FAM117B: variants seen among roughly 807,000 people sequenced by gnomAD.
FAM117B encodes the protein protein FAM117B.
A neutral mutation model predicts 52.8 loss-of-function variants in FAM117B; 22 were observed. The observed-to-expected ratio is 0.42, with a 90% CI of 0.30 to 0.59. The LOEUF (loss-of-function observed/expected upper bound fraction) is 0.59. Ranked by LOEUF, FAM117B falls within the 20% of genes least tolerant of loss-of-function variation. The pLI is 0.22. For missense variants in FAM117B, 678 were observed against 802.6 expected (o/e 0.84, Z 1.88); for synonymous variants, 309 against 324.1 (o/e 0.95, Z 0.50).
intron 2 of FAM117B, among the ~76,000 whole-genome samples, chr2:202,702,530 G>A (rs1690809700): frequency 6.6e-6 from 1 of 152,170 alleles, no homozygotes; most frequent in African/African-American, 2.4e-5. Flanking sequence ...CAAAAAGATT[G>A]TGACTTATTG....
chr2:202,740,173 CCAA>C (rs1426245916), intron 4 of FAM117B, among the ~76,000 whole-genome samples: 24 of 69,684 alleles, frequency 3.4e-4, no homozygotes, highest in African/African-American at 8.6e-4. Context: ...ACTTCATCCC[CCAA>C]AAAAAAAAAA....
chr2:202,754,517 C>T (rs374145747), intron 4 of FAM117B, among the ~76,000 whole-genome samples: 5 of 151,086 alleles, frequency 3.3e-5, no homozygotes, highest in Non-Finnish European at 7.4e-5. Context: ...CAATAATAAA[C>T]CCCCCCCAGA....
intron 3 of FAM117B, 48 bp downstream of exon 3, chr2:202,725,057 T>C (rs778278236): frequency 2.1e-6 from 3 of 1,433,568 alleles, no homozygotes; most frequent in Non-Finnish European, 2.9e-6. Context: ...ATGATCCTTT[T>C]GTTGGCTATT....
At chr2:202,657,557 G>C (rs1411975264) in intron 1 of FAM117B, among the ~76,000 whole-genome samples, 1 of 152,106 alleles carries the variant, frequency 6.6e-6, no homozygotes, top group Non-Finnish European at 1.5e-5. Flanking sequence ...CACAATTATG[G>C]CTACGGTGGT....
intron 1 of FAM117B, among the ~76,000 whole-genome samples, chr2:202,664,261 A>T (rs1690170489): frequency 1.3e-5 from 2 of 152,242 alleles, no homozygotes; most frequent in Admixed American, 1.3e-4. Flanking sequence ...TATTGACTCC[A>T]GAGGTTTTAA....
rs572443578 is a variant in FAM117B at position 202,765,608 on chromosome 2, C to T, written c.1614C>T (p.Val538=). Residue 538 remains valine, a synonymous_variant, in exon 8 of 8, where the codon GTC becomes GTT. Coordinates refer to ENST00000392238, the MANE Select transcript of FAM117B (RefSeq NM_173511.4). ...TLKGSGHSLT[V]TTGMTTTLLQ... is the part of the protein sequence containing the mutation. ...AGGGCTCTGGCCACAGCCTGACAGT[C>T]ACCACTGGCATGACAACCACTCTGC... 1 of 1,614,170 alleles carries T rather than the reference C, an allele frequency of 6.2e-7. No homozygotes were observed. Among genetic ancestry groups the T allele is most frequent in the African/African-American group, 1.3e-5 (1 of 75,048 alleles).
At chr2:202,727,119 A>G (rs1192187418) in intron 4 of FAM117B, among the ~76,000 whole-genome samples, 1 of 152,178 alleles carries the variant, frequency 6.6e-6, no homozygotes, top group Non-Finnish European at 1.5e-5. Context: ...AAGCAAGTTC[A>G]TTTCAGGTCT....
At chr2:202,733,836 A>G (rs1691396543) in intron 4 of FAM117B, among the ~76,000 whole-genome samples, 1 of 152,244 alleles carries the variant, frequency 6.6e-6, no homozygotes, top group South Asian at 2.1e-4. Flanking sequence ...GGTGATGTAC[A>G]TTCTCAGCTT....
intron 1 of FAM117B, among the ~76,000 whole-genome samples, chr2:202,685,968 C>T (rs1690532582): frequency 6.6e-6 from 1 of 152,088 alleles, no homozygotes. Context: ...TCGAAAGGCA[C>T]CATTAAAAAT....
intron 2 of FAM117B, among the ~76,000 whole-genome samples, chr2:202,696,591 A>G (rs1177478716): frequency 1.3e-5 from 2 of 152,232 alleles, no homozygotes; most frequent in Non-Finnish European, 2.9e-5. Flanking sequence ...AATTTGTAAC[A>G]GCAAAGATTA....
At chr2:202,673,267 G>A (rs1021454198) in intron 1 of FAM117B, among the ~76,000 whole-genome samples, 4 of 152,006 alleles carry the variant, frequency 2.6e-5, no homozygotes. Flanking sequence ...ACAAACTGAA[G>A]CAGTGTGAAC....
rs1268576032 is a variant in FAM117B at position 202,724,914 on chromosome 2, C to T, written c.754-3C>T. 1 of 1,590,246 alleles carries T rather than the reference C, an allele frequency of 6.3e-7. No individual in the cohort carries two copies. Among genetic ancestry groups the T allele is most frequent in the South Asian group, 1.2e-5 (1 of 86,148 alleles). ...ATACACCTCCCCTCTTTTTTCATTA[C>T]AGACAGAGAGTGCATGGGCTGAAGA... On this transcript the variant is annotated splice_polypyrimidine_tract_variant and splice_region_variant and intron_variant, in intron 2 of 7. Coordinates refer to ENST00000392238, the MANE Select transcript of FAM117B (RefSeq NM_173511.4).
intron 2 of FAM117B, among the ~76,000 whole-genome samples, chr2:202,705,669 G>C (rs1690860598): frequency 6.6e-6 from 1 of 152,124 alleles, no homozygotes; most frequent in African/African-American, 2.4e-5. Flanking sequence ...CTGCCTCCGT[G>C]TTCTTTTAAA....
intron 4 of FAM117B, among the ~76,000 whole-genome samples, chr2:202,739,096 G>A (rs1302228032): frequency 1.3e-5 from 2 of 152,172 alleles, no homozygotes; most frequent in African/African-American, 4.8e-5. Flanking sequence ...AGCTGAGGCA[G>A]GAGAATTGCT....
rs386392341 is a variant in FAM117B, at chr2:202,675,445, CAA to C, written c.602-20414_602-20413del. Among the ~76,000 whole-genome samples the C allele has an allele frequency of 1.9e-3, 132 of 67,798 alleles. 1 individual carries two copies. The highest frequency in any genetic ancestry group is 7.5e-3 in the African/African-American group (121 of 16,200). 44.5% of individuals were successfully genotyped at this position (67,798 alleles called of 152,430 possible). A position where few individuals can be genotyped will look rare whatever the true frequency, so the allele number is the denominator to read the frequency against. On this transcript the variant is annotated intron_variant, in intron 1 of 7. Coordinates refer to ENST00000392238, the MANE Select transcript of FAM117B (RefSeq NM_173511.4). ...TGGGCGACAGAGTGAGACCTTATCTCAAAAAAAAAAAAAAAAAAAAAAAGGCC... is the reference window on the plus strand; with the variant it reads ...TGGGCGACAGAGTGAGACCTTATCTCAAAAAAAAAAAAAAAAAAAAAGGCC...
At chr2:202,676,069 G>T (rs1413148120) in intron 1 of FAM117B, among the ~76,000 whole-genome samples, 1 of 150,072 alleles carries the variant, frequency 6.7e-6, no homozygotes, top group African/African-American at 2.4e-5. Flanking sequence ...TGTCACTTAT[G>T]TATTACTCTT....
chr2:202,715,939 A>G (rs1460379396), intron 2 of FAM117B, among the ~76,000 whole-genome samples: 1 of 152,162 alleles, frequency 6.6e-6, no homozygotes, highest in Non-Finnish European at 1.5e-5. Flanking sequence ...AAAACCAGTC[A>G]GGCGTGGTGG....
rs151330954 is a variant in FAM117B, at chr2:202,662,064, A to G, written c.601+26276A>G. On this transcript the variant is annotated intron_variant, in intron 1 of 7. Coordinates refer to ENST00000392238, the MANE Select transcript of FAM117B (RefSeq NM_173511.4). ...TTCACAATAGCCAATAGCCAAGATA[A>G]GGAATTAACCTAAATGCCCAACCAC... Among the ~76,000 whole-genome samples the G allele has an allele frequency of 4.4e-4, 67 of 152,298 alleles. 1 individual carries two copies. The highest frequency in any genetic ancestry group is 8.9e-4 in the African/African-American group (37 of 41,554).
intron 1 of FAM117B, among the ~76,000 whole-genome samples, chr2:202,672,892 T>C (rs1690320001): frequency 1.3e-5 from 2 of 151,732 alleles, no homozygotes; most frequent in Non-Finnish European, 2.9e-5. Flanking sequence ...AAAAAAAAAT[T>C]AGCCAGGCGA....
Sources: allele counts gnomAD v4.1 joint callset (sites outside exome capture counted in the v4.1 genomes callset), GRCh38; gene constraint gnomAD v4.1.1; transcripts MANE v1.5; gene names NCBI Gene and HGNC (gene_info 2026-07-23, HGNC 2026-07-21).